Variants in BRSK1 observed in about 807,000 individuals in gnomAD.
BRSK1 encodes the protein BR serine/threonine kinase 1, also known as serine/threonine-protein kinase BRSK1.
Under a neutral mutation model 86.2 loss-of-function variants are expected in BRSK1, and 17 were observed. The ratio of observed to expected loss-of-function variants is 0.20; its 90% CI spans 0.14 to 0.30. BRSK1 has a LOEUF of 0.30. Among genes scored for constraint, BRSK1 ranks in the 10% least tolerant of loss-of-function variants. BRSK1 has a pLI of 1.00. For synonymous variants in BRSK1, 464 were observed against 440.1 expected, an observed-to-expected ratio of 1.05 and a Z score of -0.68; for missense variants, 719 against 1,071.9, an observed-to-expected ratio of 0.67 and a Z score of 4.60.
At chr19:55,293,318 G>A (rs1420635319) in intron 4 of BRSK1, among the ~76,000 whole-genome samples, 6 of 152,106 alleles carry the variant, frequency 3.9e-5, no homozygotes, top group East Asian at 1.9e-4. Context: ...GCAACAGAGC[G>A]AGACTTCGTC....
Position 55,304,918 on chromosome 19 carries a change from A to T in BRSK1, c.1715A>T (p.Gln572Leu). 3.1e-6 allele frequency: 5 copies of T among 1,607,068 alleles called. No individual in the cohort carries two copies. The highest frequency in any genetic ancestry group is 4.2e-6 in the Non-Finnish European group (5 of 1,179,682). Residue 572 changes from glutamine to leucine, a missense_variant and splice_region_variant, in exon 14 of 19, where the codon CAG becomes CTG. By Grantham distance (113) the Gln-to-Leu change is moderately radical. Around this residue, in one of 6 missense-constraint regions of BRSK1, gnomAD observed 180 missense variants for 259.4 expected, o/e 0.69. Coordinates refer to ENST00000309383, the MANE Select transcript of BRSK1 (RefSeq NM_032430.2). This position sits in a 1 kb window ranked among gnomAD's most constrained non-coding sequence, Gnocchi z 5.2. ...GSPRFHRRKM[Q>L]VPTAEEMSSL... ...CCTCGCTTTCACCGGCGCAAGATGC[A>T]GGGTATGGGGGCATGAACTGCCGAG...
intron 7 of BRSK1, among the ~76,000 whole-genome samples, chr19:55,296,217 C>T (rs1038949543): frequency 1.6e-4 from 25 of 152,034 alleles, no homozygotes; most frequent in Non-Finnish European, 8.8e-5. Flanking sequence ...TCAGAGTTGT[C>T]GCTGTGCATT....
chr19:55,303,240 C>G lies in BRSK1; in HGVS notation c.1029-71C>G. The G allele has an allele frequency of 1.6e-6, 2 of 1,237,448 alleles. No homozygotes were observed. Among genetic ancestry groups the G allele is most frequent in the South Asian group, 2.4e-5 (2 of 82,934 alleles). The allele number at this position is 1,237,448 out of a possible 1,614,324, so 76.7% of individuals were successfully genotyped here. ...CAGAAATACAGGGAGCGGAGGAGACCTCCTCTGAGCATTGATGTTGGACCT... is the reference window on the plus strand; with the variant it reads ...CAGAAATACAGGGAGCGGAGGAGACGTCCTCTGAGCATTGATGTTGGACCT... On this transcript the variant is annotated intron_variant, in intron 10 of 18. Transcript: ENST00000309383. The surrounding 1 kb of genome is among the most constrained non-coding windows in gnomAD (Gnocchi z 5.1).
intron 17 of BRSK1, 118 bp from the exon 18 acceptor site, chr19:55,308,521 G>C: frequency 2.7e-6 from 2 of 731,954 alleles, no homozygotes; most frequent in Non-Finnish European, 2.5e-6. Context: ...GAGCAGGGGA[G>C]ACGGAGATGC....
At chr19:55,290,326 T>A (rs1430264927) in intron 4 of BRSK1, among the ~76,000 whole-genome samples, 6 of 152,190 alleles carry the variant, frequency 3.9e-5, no homozygotes, top group African/African-American at 7.2e-5. Context: ...AGTTATTTTT[T>A]AAAATTTGAT....
chr19:55,305,196 G>GA (rs1038269336), intron 14 of BRSK1, 125 bp from the exon 15 acceptor site: 12 of 1,351,658 alleles, frequency 8.9e-6, no homozygotes, highest in Admixed American at 7.9e-5. Context: ...GCCCAGGAGG[G>GA]ATGGCTTGGC....
At chr19:55,295,165 C>T (rs2088468145) in intron 7 of BRSK1, among the ~76,000 whole-genome samples, 1 of 151,746 alleles carries the variant, frequency 6.6e-6, no homozygotes, top group Non-Finnish European at 1.5e-5. Context: ...CTCTGTCGCC[C>T]AGGCTGGAGT....
intron 17 of BRSK1, among the ~76,000 whole-genome samples, chr19:55,307,091 G>C (rs1328633150): frequency 1.3e-5 from 2 of 152,200 alleles, no homozygotes; most frequent in African/African-American, 4.8e-5. Context: ...CCTCCATCCT[G>C]ATAGTGAGCA....
At chr19:55,311,525 G>A (rs1287621459) in intron 18 of BRSK1, among the ~76,000 whole-genome samples, 3 of 152,190 alleles carry the variant, frequency 2.0e-5, no homozygotes, top group African/African-American at 7.2e-5. Flanking sequence ...CAGGGTAGGA[G>A]AGAGTCGGGG....
chr19:55,300,813 C>T lies in BRSK1; in HGVS notation c.679-699C>T, dbSNP rs147335973. ...CCAAGAACACCTCATTGCACATCAG[C>T]CTGGGCGACAAGAGCGAAACTCCAT... On this transcript the variant is annotated intron_variant, in intron 7 of 18. Transcript: ENST00000309383. Among the ~76,000 whole-genome samples the T allele has an allele frequency of 2.0e-5, 3 of 152,260 alleles. No individual in the cohort carries two copies. In the East Asian group the frequency reaches 5.8e-4, roughly 29 times the overall value.
intron 1 of BRSK1, among the ~76,000 whole-genome samples, chr19:55,285,667 G>T (rs930759389): frequency 6.6e-6 from 1 of 152,152 alleles, no homozygotes; most frequent in African/African-American, 2.4e-5. Context: ...TGTGGAAAGG[G>T]CGTTCATCCT....
rs1375107339 is a variant in BRSK1, at chr19:55,303,464, G to C, written c.1126+56G>C. ...CTGGGTCTCGAGATTGGAAGAGGCTGGCCACGGGGACCCCAGATTCCCAAG... is the reference window on the plus strand; with the variant it reads ...CTGGGTCTCGAGATTGGAAGAGGCTCGCCACGGGGACCCCAGATTCCCAAG... On this transcript the variant is annotated intron_variant, in intron 11 of 18. Coordinates refer to ENST00000309383, the MANE Select transcript of BRSK1 (RefSeq NM_032430.2). This position sits in a 1 kb window ranked among gnomAD's most constrained non-coding sequence, Gnocchi z 5.1. 1.9e-6 allele frequency: 3 copies of C among 1,567,424 alleles called. No homozygotes were observed. The African/African-American group carries it at 4.1e-5, about 21-fold the overall frequency.
chr19:55,308,024 GTT>G (rs563131841), intron 17 of BRSK1, among the ~76,000 whole-genome samples: 21,011 of 139,358 alleles, frequency 0.15, 2,017 homozygotes, highest in African/African-American at 0.3. Context: ...TTGTTGTTTG[GTT>G]TTTTTTTTTT....
In BRSK1 at chr19:55,306,984, G is replaced by A. The variant is rs1347687143; in HGVS notation, c.2089+534G>A. ...CTGCTAAGCTCAGTGGCAGCCTCAG[G>A]AACTTGAACTCCAGGCAGCCATGAC... is the stretch of plus-strand genomic sequence containing the variant. On this transcript the variant is annotated intron_variant, in intron 17 of 18. Transcript: ENST00000309383. The surrounding 1 kb of genome is among the most constrained non-coding windows in gnomAD (Gnocchi z 4.7). 2.6e-5 allele frequency among the ~76,000 whole-genome samples: 4 copies of A among 152,204 alleles called. No individual in the cohort carries two copies. The highest frequency in any genetic ancestry group is 9.7e-5 in the African/African-American group (4 of 41,446).
chr19:55,286,315 C>G (rs1401100228), intron 1 of BRSK1, among the ~76,000 whole-genome samples: 1 of 151,694 alleles, frequency 6.6e-6, no homozygotes, highest in African/African-American at 2.4e-5. Flanking sequence ...AGGGCTAGGT[C>G]TGTGGCTTTG....
At chr19:55,297,235 C>G (rs1387742214) in intron 7 of BRSK1, among the ~76,000 whole-genome samples, 1 of 151,876 alleles carries the variant, frequency 6.6e-6, no homozygotes, top group African/African-American at 2.4e-5. Context: ...TGCCACCACG[C>G]CTGGCTAATT....
chr19:55,310,853 T>C lies in BRSK1; in HGVS notation c.2180-1058T>C, dbSNP rs550374527. 1.1e-3 allele frequency among the ~76,000 whole-genome samples: 167 copies of C among 152,164 alleles called. No homozygotes were observed. Among genetic ancestry groups the C allele is most frequent in the African/African-American group, 3.8e-3 (159 of 41,530 alleles). On this transcript the variant is annotated intron_variant, in intron 18 of 18. Transcript: ENST00000309383. The surrounding 1 kb of genome is among the most constrained non-coding windows in gnomAD (Gnocchi z 5.0). ...CAAAACGGGCACACCCTGGAAGATG[T>C]AGGACTAACAGGCACCCTGGGGGGC...
At chr19:55,295,214 C>T (rs2088468858) in intron 7 of BRSK1, among the ~76,000 whole-genome samples, 1 of 152,066 alleles carries the variant, frequency 6.6e-6, no homozygotes, top group African/African-American at 2.4e-5. Flanking sequence ...TCTCAATCTC[C>T]CAGGCTCAAG....
chr19:55,284,594 G>A lies in BRSK1; in HGVS notation c.136+16G>A, dbSNP rs867286360. ...GGACAGACAGGTGAGCCTAGCAGAA[G>A]GGGACACCTGGGGCGGGGGGCAGGG... On this transcript the variant is annotated intron_variant, in intron 1 of 18. Transcript: ENST00000309383. 4.9e-6 allele frequency: 6 copies of A among 1,217,610 alleles called. No individual in the cohort carries two copies. Among genetic ancestry groups the A allele is most frequent in the Middle Eastern group, 6.1e-4 (2 of 3,260 alleles). 75.4% of individuals were successfully genotyped at this position (1,217,610 alleles called of 1,614,324 possible). A position where few individuals can be genotyped will look rare whatever the true frequency, so the allele number is the denominator to read the frequency against.
Sources: gnomAD v4.1 joint callset for allele counts (sites outside exome capture counted in the v4.1 genomes callset) on GRCh38, gnomAD v4.1.1 for gene constraint, gnomAD v4.1.1 regional missense constraint, Gnocchi (gnomAD v3.1) non-coding constraint, MANE v1.5 for transcripts, NCBI Gene and HGNC (gene_info 2026-07-23, HGNC 2026-07-21) for gene names.